Variants in CNTNAP2 observed in about 807,000 individuals in gnomAD.
CNTNAP2 encodes the protein contactin-associated protein-like 2.
In CNTNAP2, 98 loss-of-function variants were observed where a neutral mutation model predicts 155.2. That is an observed-to-expected ratio of 0.63 (90% CI 0.54 to 0.75). The LOEUF is 0.75. Ranked by LOEUF, CNTNAP2 falls within the 30% of genes least tolerant of loss-of-function variation. The probability of loss-of-function intolerance (pLI) is 0.00; values close to 1 mark genes in which losing one functional copy is unlikely to be tolerated. For synonymous variants in CNTNAP2, 651 were observed against 631.2 expected (o/e 1.03, Z -0.47); for missense variants, 1,727 against 1,688.1 (o/e 1.02, Z -0.40).
chr7:147,728,438 C>G (rs1412775162), intron 13 of CNTNAP2, among the ~76,000 whole-genome samples: 1 of 151,986 alleles, frequency 6.6e-6, no homozygotes, highest in Non-Finnish European at 1.5e-5. Flanking sequence ...AAAACTGAAA[C>G]CTATTTTCTC....
chr7:146,831,641 A>G (rs1803513578), intron 2 of CNTNAP2, among the ~76,000 whole-genome samples: 1 of 134,526 alleles, frequency 7.4e-6, no homozygotes, highest in South Asian at 2.4e-4. Context: ...TCGCCACTGC[A>G]CTCCAGCCTG....
intron 11 of CNTNAP2, among the ~76,000 whole-genome samples, chr7:147,504,553 G>A (rs1798872749): frequency 6.6e-6 from 1 of 151,726 alleles, no homozygotes; most frequent in South Asian, 2.1e-4. Flanking sequence ...GCTGGGCGTG[G>A]TGTTACGTGC....
At chr7:148,323,152 G>A (rs542124118) in intron 21 of CNTNAP2, among the ~76,000 whole-genome samples, 82 of 152,180 alleles carry the variant, frequency 5.4e-4, no homozygotes, top group Non-Finnish European at 1.1e-3. Context: ...AGAAGAAACC[G>A]AGGTTCATAA....
At chr7:147,167,310 A>G in intron 8 of CNTNAP2, 1 of 465,624 alleles carries the variant, frequency 2.1e-6, no homozygotes, top group Non-Finnish European at 3.6e-6. Flanking sequence ...AAACTTCTTG[A>G]CAAGATGGTG....
At chr7:146,982,915 C>T (rs1000040612) in intron 3 of CNTNAP2, among the ~76,000 whole-genome samples, 1 of 152,042 alleles carries the variant, frequency 6.6e-6, no homozygotes, top group Non-Finnish European at 1.5e-5. Flanking sequence ...ATTATCTACA[C>T]GTATCCAGGG....
chr7:147,346,006 C>T lies in CNTNAP2; in HGVS notation c.1498+45716C>T, dbSNP rs544827402. ...GTTAATTTTCTACCCATTAATTTTA[C>T]GAAATTTGAAAGAAATATTTTTGAT... On this transcript the variant is annotated intron_variant, in intron 9 of 23. Coordinates refer to ENST00000361727, the MANE Select transcript of CNTNAP2 (RefSeq NM_014141.6). Among the ~76,000 whole-genome samples, 20 of 152,056 alleles carry T rather than the reference C, an allele frequency of 1.3e-4. No homozygotes were observed. The South Asian group carries it at 2.3e-3, about 17-fold the overall frequency.
chr7:146,709,716 G>A (rs1219701632), intron 1 of CNTNAP2, among the ~76,000 whole-genome samples: 1 of 152,150 alleles, frequency 6.6e-6, no homozygotes, highest in Non-Finnish European at 1.5e-5. Context: ...GCTGGATGGT[G>A]GTAAAATACA....
intron 9 of CNTNAP2, among the ~76,000 whole-genome samples, chr7:147,332,505 T>G (rs17170415): frequency 0.2 from 29,756 of 151,946 alleles, 3,175 homozygotes; most frequent in East Asian, 0.36. Context: ...ATCCAAACTG[T>G]TTAGCAGGGC....
intron 1 of CNTNAP2, among the ~76,000 whole-genome samples, chr7:146,585,565 A>G (rs1283747790): frequency 2.6e-5 from 4 of 152,142 alleles, no homozygotes; most frequent in South Asian, 2.1e-4. Flanking sequence ...AATTTCCTAT[A>G]TATGACTTTG....
At chr7:147,062,086 C>T (rs1163565873) in intron 4 of CNTNAP2, among the ~76,000 whole-genome samples, 10 of 126,974 alleles carry the variant, frequency 7.9e-5, no homozygotes, top group Non-Finnish European at 1.4e-4. Context: ...CGAGATCGCA[C>T]CACTGCACTC....
At chr7:147,676,615 C>T (rs1795873087) in intron 13 of CNTNAP2, among the ~76,000 whole-genome samples, 1 of 151,880 alleles carries the variant, frequency 6.6e-6, no homozygotes, top group South Asian at 2.1e-4. Flanking sequence ...TTCCTCCTAT[C>T]TAATTGAAAT....
chr7:148,293,966 C>T (rs1340157782), intron 21 of CNTNAP2, among the ~76,000 whole-genome samples: 1 of 136,384 alleles, frequency 7.3e-6, no homozygotes, highest in Non-Finnish European at 1.5e-5. Flanking sequence ...ACCCGGGAGG[C>T]AGAGGCTGCA....
At chr7:147,343,136 T>C (rs1356539945) in intron 9 of CNTNAP2, among the ~76,000 whole-genome samples, 1 of 152,116 alleles carries the variant, frequency 6.6e-6, no homozygotes, top group East Asian at 1.9e-4. Flanking sequence ...TAGAAGCCTA[T>C]ATATTGTTTC....
intron 3 of CNTNAP2, among the ~76,000 whole-genome samples, chr7:146,967,261 T>G (rs1797676441): frequency 6.6e-6 from 1 of 152,192 alleles, no homozygotes; most frequent in Non-Finnish European, 1.5e-5. Context: ...TTATTACATA[T>G]TATGTTCATA....
intron 1 of CNTNAP2, among the ~76,000 whole-genome samples, chr7:146,192,654 A>T (rs953001139): frequency 2.6e-5 from 4 of 152,148 alleles, no homozygotes; most frequent in Admixed American, 6.5e-5. Context: ...TGACGTGGGA[A>T]TTATGGGAGC....
intron 16 of CNTNAP2, among the ~76,000 whole-genome samples, chr7:148,144,794 C>T (rs78280507): frequency 6.6e-6 from 1 of 152,206 alleles, no homozygotes; most frequent in Non-Finnish European, 1.5e-5. Flanking sequence ...CAGTCTCCAA[C>T]TGGAGACACA....
intron 1 of CNTNAP2, among the ~76,000 whole-genome samples, chr7:146,767,852 G>A (rs1375794657): frequency 1.3e-5 from 2 of 152,034 alleles, no homozygotes; most frequent in Non-Finnish European, 2.9e-5. Flanking sequence ...GGAAACTGTG[G>A]GTAAGACAGG....
chr7:147,939,430 G>C (rs946427207), intron 14 of CNTNAP2, among the ~76,000 whole-genome samples: 2 of 152,066 alleles, frequency 1.3e-5, no homozygotes, highest in Non-Finnish European at 2.9e-5. Context: ...CCGGGTTCAA[G>C]CGATTCTTCT....
chr7:147,619,838 C>T (rs1257796718), intron 12 of CNTNAP2, among the ~76,000 whole-genome samples: 1 of 152,172 alleles, frequency 6.6e-6, no homozygotes, highest in African/African-American at 2.4e-5. Flanking sequence ...CGAACATAGG[C>T]AGCAGCCAGG....
Sources: gnomAD v4.1 joint callset for allele counts (sites outside exome capture counted in the v4.1 genomes callset) on GRCh38, gnomAD v4.1.1 for gene constraint, MANE v1.5 for transcripts, NCBI Gene and HGNC (gene_info 2026-07-23, HGNC 2026-07-21) for gene names.